The following SUPT3H variants were observed in gnomAD, a reference collection of about 807,000 sequenced individuals.
The protein encoded by SUPT3H is SPT3 homolog, SAGA and STAGA complex component, also known as transcription initiation protein SPT3 homolog.
In SUPT3H, 44 loss-of-function variants were observed where a neutral mutation model predicts 44.3. The observed-to-expected ratio is 0.99, with a 90% CI of 0.78 to 1.28. The LOEUF (loss-of-function observed/expected upper bound fraction) is 1.28, where lower values mean the gene tolerates loss of function less well. Among genes scored for constraint, SUPT3H ranks in the 50% most tolerant of loss-of-function variants. SUPT3H has a pLI of 0.00. For missense variants in SUPT3H, 380 were observed against 387.1 expected, an observed-to-expected ratio of 0.98 and a Z score of 0.15; for synonymous variants, 124 against 125.6, an observed-to-expected ratio of 0.99 and a Z score of 0.09.
At chr6:45,058,922 T>TC (rs1258191624) in intron 3 of SUPT3H, among the ~76,000 whole-genome samples, 2 of 152,158 alleles carry the variant, frequency 1.3e-5, no homozygotes, top group African/African-American at 4.8e-5. Flanking sequence ...AAGCTGTTTT[T>TC]GATGCTTTAA....
At chr6:45,291,285 A>G (rs984273969) in intron 2 of SUPT3H, among the ~76,000 whole-genome samples, 2 of 152,190 alleles carry the variant, frequency 1.3e-5, no homozygotes, top group Admixed American at 1.3e-4. Context: ...GGGACAAAAG[A>G]ATCTGAACAA....
intron 3 of SUPT3H, among the ~76,000 whole-genome samples, chr6:45,062,123 C>T (rs993659015): frequency 2.0e-5 from 3 of 151,348 alleles, no homozygotes; most frequent in African/African-American, 7.3e-5. Context: ...TTTACACTGG[C>T]GTCTGATATG....
At chr6:45,110,059 A>G (rs1799823906) in intron 2 of SUPT3H, among the ~76,000 whole-genome samples, 1 of 152,186 alleles carries the variant, frequency 6.6e-6, no homozygotes, top group Non-Finnish European at 1.5e-5. Context: ...TCTCGTTGCT[A>G]TAACACACAA....
chr6:45,163,418 C>T (rs964868329), intron 2 of SUPT3H, among the ~76,000 whole-genome samples: 2 of 152,086 alleles, frequency 1.3e-5, no homozygotes, highest in African/African-American at 4.8e-5. Flanking sequence ...ATAAGTATTA[C>T]ATATGTAAAG....
intron 2 of SUPT3H, among the ~76,000 whole-genome samples, chr6:45,108,800 G>A (rs1486537965): frequency 6.6e-6 from 1 of 151,964 alleles, no homozygotes; most frequent in African/African-American, 2.4e-5. Context: ...ACCACTTTCA[G>A]TCAATATAAT....
At chr6:44,851,100 G>T (rs949049766) in intron 10 of SUPT3H, among the ~76,000 whole-genome samples, 4 of 152,130 alleles carry the variant, frequency 2.6e-5, no homozygotes, top group African/African-American at 9.7e-5. Flanking sequence ...AGGACTTGGG[G>T]ATTTTTCTAT....
chr6:45,268,006 C>T (rs957517765), intron 2 of SUPT3H, among the ~76,000 whole-genome samples: 1 of 152,180 alleles, frequency 6.6e-6, no homozygotes, highest in African/African-American at 2.4e-5. Context: ...ACATTATTCT[C>T]ATTGACATTA....
intron 2 of SUPT3H, among the ~76,000 whole-genome samples, chr6:45,332,346 G>GTATA (rs149380813): frequency 1.3e-5 from 2 of 150,746 alleles, no homozygotes; most frequent in Non-Finnish European, 3.0e-5. Context: ...TACCTCAACT[G>GTATA]TATATATATA....
intron 2 of SUPT3H, among the ~76,000 whole-genome samples, chr6:45,245,555 G>C (rs1382319934): frequency 6.6e-6 from 1 of 152,034 alleles, no homozygotes. Context: ...TTTTAGGTCT[G>C]CTTTATTTCA....
chr6:45,002,820 C>A (rs1241547387), intron 6 of SUPT3H, among the ~76,000 whole-genome samples: 1 of 152,034 alleles, frequency 6.6e-6, no homozygotes, highest in Non-Finnish European at 1.5e-5. Context: ...CAAAGTTTAA[C>A]ATAAAATAAT....
At chr6:45,235,860 T>C (rs748792012) in intron 2 of SUPT3H, among the ~76,000 whole-genome samples, 3 of 152,140 alleles carry the variant, frequency 2.0e-5, no homozygotes, top group South Asian at 4.1e-4. Context: ...TTTACTGGAA[T>C]GAAGGCAAGG....
chr6:45,073,924 C>T (rs1249188740), intron 3 of SUPT3H, among the ~76,000 whole-genome samples: 1 of 151,922 alleles, frequency 6.6e-6, no homozygotes, highest in Non-Finnish European at 1.5e-5. Context: ...GAACAGAAAA[C>T]TGCAATGAGT....
intron 2 of SUPT3H, among the ~76,000 whole-genome samples, chr6:45,242,920 C>A (rs551679301): frequency 6.6e-6 from 1 of 152,008 alleles, no homozygotes; most frequent in African/African-American, 2.4e-5. Flanking sequence ...TAAGGCTGGG[C>A]GTGGTGGCTC....
chr6:45,330,706 C>T (rs942327078), intron 2 of SUPT3H, among the ~76,000 whole-genome samples: 1 of 151,870 alleles, frequency 6.6e-6, no homozygotes, highest in Non-Finnish European at 1.5e-5. Flanking sequence ...CTAAGCAAGG[C>T]ATGGTAGTGA....
At position 44,984,826 on chromosome 6, in the gene SUPT3H, A is replaced by C. The variant is rs1333398559; in HGVS notation, c.504+18827T>G. Among the ~76,000 whole-genome samples, 3 of 152,256 alleles carry C rather than the reference A, an allele frequency of 2.0e-5. No individual in the cohort carries two copies. The East Asian group carries it at 5.8e-4, about 29-fold the overall frequency. ...AGAAACATAAACATAAATTACATAA[A>C]GGCCAAAAGATCAACACAAAGTCCT... On this transcript the variant is annotated intron_variant, in intron 6 of 10. Coordinates refer to ENST00000371459, the MANE Select transcript of SUPT3H (RefSeq NM_003599.4).
At chr6:44,936,046 T>A (rs1328691743) in intron 9 of SUPT3H, among the ~76,000 whole-genome samples, 1 of 152,170 alleles carries the variant, frequency 6.6e-6, no homozygotes, top group African/African-American at 2.4e-5. Context: ...AAATCTTAAG[T>A]CTTACAGAGA....
At chr6:45,320,182 A>G (rs1292929574) in intron 2 of SUPT3H, among the ~76,000 whole-genome samples, 1 of 152,170 alleles carries the variant, frequency 6.6e-6, no homozygotes, top group African/African-American at 2.4e-5. Context: ...TAATATATAA[A>G]TAAGAAACAT....
intron 6 of SUPT3H, among the ~76,000 whole-genome samples, chr6:44,975,511 A>G (rs1582851979): frequency 6.6e-6 from 1 of 152,128 alleles, no homozygotes; most frequent in East Asian, 1.9e-4. Flanking sequence ...GTTCTCACTT[A>G]TAAGTAAGAA....
chr6:45,077,051 C>G (rs1253149378), intron 3 of SUPT3H, among the ~76,000 whole-genome samples: 2 of 152,148 alleles, frequency 1.3e-5, no homozygotes, highest in Non-Finnish European at 2.9e-5. Context: ...GTACTTCCCA[C>G]TGTCTCAACT....
Sources: allele counts gnomAD v4.1 joint callset (sites outside exome capture counted in the v4.1 genomes callset), GRCh38; gene constraint gnomAD v4.1.1; transcripts MANE v1.5; gene names NCBI Gene and HGNC (gene_info 2026-07-23, HGNC 2026-07-21).